The following PTPRR variants were observed in gnomAD, a reference collection of about 807,000 sequenced individuals.
PTPRR encodes the protein protein tyrosine phosphatase receptor type R.
A neutral mutation model predicts 77.2 loss-of-function variants in PTPRR; 38 were observed. That is an observed-to-expected ratio of 0.49 (90% CI 0.38 to 0.65). The LOEUF is 0.65. Among genes scored for constraint, PTPRR ranks in the 30% least tolerant of loss-of-function variants. PTPRR has a pLI of 0.00. For missense variants in PTPRR, 744 were observed against 799.2 expected (o/e 0.93, Z 0.83); for synonymous variants, 299 against 283.1 (o/e 1.06, Z -0.57).
At chr12:70,784,792 G>A (rs1363239500) in intron 2 of PTPRR, among the ~76,000 whole-genome samples, 1 of 152,222 alleles carries the variant, frequency 6.6e-6, no homozygotes, top group Non-Finnish European at 1.5e-5. Context: ...GGGAAGTGGA[G>A]TAACAGCTTT....
intron 4 of PTPRR, among the ~76,000 whole-genome samples, chr12:70,759,770 G>A (rs1890650919): frequency 6.7e-6 from 1 of 150,090 alleles, no homozygotes; most frequent in East Asian, 2.0e-4. Context: ...AGAATATGGT[G>A]TATCATAGAT....
At chr12:70,660,109 G>A (rs1447559576) in intron 12 of PTPRR, among the ~76,000 whole-genome samples, 2 of 151,606 alleles carry the variant, frequency 1.3e-5, no homozygotes, top group Non-Finnish European at 2.9e-5. Flanking sequence ...CCAAGGAGGC[G>A]GAGGTTGCAG....
chr12:70,825,013 G>A (rs1365531051), intron 2 of PTPRR, among the ~76,000 whole-genome samples: 2 of 152,164 alleles, frequency 1.3e-5, no homozygotes, highest in Admixed American at 6.5e-5. Context: ...GGCTGGGCGC[G>A]TTGGCTCACG....
At chr12:70,836,414 T>G (rs1892305621) in intron 2 of PTPRR, among the ~76,000 whole-genome samples, 1 of 151,978 alleles carries the variant, frequency 6.6e-6, no homozygotes, top group Non-Finnish European at 1.5e-5. Flanking sequence ...TCTACAAATG[T>G]TTTCTTTACC....
intron 5 of PTPRR, among the ~76,000 whole-genome samples, chr12:70,747,355 T>G (rs1167330801): frequency 6.6e-6 from 1 of 152,324 alleles, no homozygotes; most frequent in East Asian, 1.9e-4. Flanking sequence ...TTTTCCCAAA[T>G]GAAGAAACAA....
At chr12:70,883,657 G>A (rs998770019) in intron 2 of PTPRR, among the ~76,000 whole-genome samples, 3 of 152,048 alleles carry the variant, frequency 2.0e-5, no homozygotes, top group African/African-American at 7.2e-5. Context: ...AATGTCAGTA[G>A]AAACCGTGTT....
chr12:70,772,946 T>A (rs966786454), intron 2 of PTPRR, among the ~76,000 whole-genome samples: 5 of 152,186 alleles, frequency 3.3e-5, no homozygotes, highest in Non-Finnish European at 7.3e-5. Context: ...AATCAAAGTG[T>A]CAGTGGGGCC....
intron 2 of PTPRR, among the ~76,000 whole-genome samples, chr12:70,768,192 C>T (rs1339484260): frequency 5.3e-5 from 8 of 151,528 alleles, no homozygotes; most frequent in Admixed American, 2.0e-4. Context: ...AATAGAGACA[C>T]AAAAAACCCT....
intron 13 of PTPRR, among the ~76,000 whole-genome samples, chr12:70,642,105 G>A (rs556006395): frequency 3.6e-4 from 55 of 152,048 alleles, no homozygotes; most frequent in African/African-American, 1.2e-3. Context: ...CCAGCTGCAC[G>A]TTAGAGACCA....
intron 6 of PTPRR, among the ~76,000 whole-genome samples, chr12:70,716,650 C>T (rs1482530718): frequency 6.6e-6 from 1 of 152,090 alleles, no homozygotes; most frequent in East Asian, 1.9e-4. Context: ...ATGGTATCTA[C>T]CATATCAGCT....
chr12:70,689,929 C>T lies in PTPRR; in HGVS notation c.1280-5146G>A, dbSNP rs143756373. Among the ~76,000 whole-genome samples the T allele has an allele frequency of 9.2e-5, 14 of 152,340 alleles. No homozygotes were observed. In the East Asian group the frequency reaches 1.9e-3, roughly 21 times the overall value. On this transcript the variant is annotated intron_variant, in intron 8 of 13. Transcript: ENST00000283228. ...GTAGGATGCACAGCTTAAGACTTCC[C>T]TTCTTACCACCCCTTGCATTAGTTG...
At chr12:70,678,555 C>T (rs183550306) in intron 10 of PTPRR, among the ~76,000 whole-genome samples, 91 of 152,116 alleles carry the variant, frequency 6.0e-4, no homozygotes, top group Non-Finnish European at 1.1e-3. Flanking sequence ...TTTATGTTTT[C>T]AAACATGATC....
Position 70,802,460 on chromosome 12 carries a change from T to G in PTPRR, c.358-37682A>C, listed in dbSNP as rs534239860. On this transcript the variant is annotated intron_variant, in intron 2 of 13. Transcript: ENST00000283228. ...CACAAGATACAACCATTAAAATGGC[T>G]TTAAATAATAATGGCAATGACAGGG... Among the ~76,000 whole-genome samples the G allele has an allele frequency of 2.7e-4, 41 of 152,320 alleles. No homozygotes were observed. The South Asian group carries it at 8.3e-3, about 31-fold the overall frequency.
chr12:70,744,556 C>G (rs944358211), intron 6 of PTPRR, among the ~76,000 whole-genome samples: 1 of 152,158 alleles, frequency 6.6e-6, no homozygotes, highest in Non-Finnish European at 1.5e-5. Context: ...GCAATACTTT[C>G]AAATAATTAT....
chr12:70,661,997 C>T (rs1235344279), intron 11 of PTPRR, among the ~76,000 whole-genome samples: 1 of 152,200 alleles, frequency 6.6e-6, no homozygotes, highest in African/African-American at 2.4e-5. Context: ...TTTCCTATGA[C>T]ATAATCTCGT....
At chr12:70,686,448 G>A (rs940431642) in intron 8 of PTPRR, among the ~76,000 whole-genome samples, 43 of 152,082 alleles carry the variant, frequency 2.8e-4, no homozygotes, top group African/African-American at 9.9e-4. Flanking sequence ...GGACGGTGAT[G>A]GTTTAAAAAT....
chr12:70,791,549 G>A (rs1054910664), intron 2 of PTPRR, among the ~76,000 whole-genome samples: 5 of 152,044 alleles, frequency 3.3e-5, no homozygotes, highest in African/African-American at 1.2e-4. Flanking sequence ...CTATTAGAAG[G>A]TATGCTTCAA....
At chr12:70,806,652 C>G (rs958435111) in intron 2 of PTPRR, among the ~76,000 whole-genome samples, 1 of 152,164 alleles carries the variant, frequency 6.6e-6, no homozygotes, top group Non-Finnish European at 1.5e-5. Flanking sequence ...ATCATACTAC[C>G]ATTTGCCTCT....
chr12:70,853,758 C>A (rs1181875018), intron 2 of PTPRR, among the ~76,000 whole-genome samples: 1 of 152,184 alleles, frequency 6.6e-6, no homozygotes, highest in African/African-American at 2.4e-5. Context: ...CCCAAGTCAG[C>A]CAGCCATGTC....
Sources: gnomAD v4.1 joint callset for allele counts (sites outside exome capture counted in the v4.1 genomes callset) on GRCh38, gnomAD v4.1.1 for gene constraint, MANE v1.5 for transcripts, NCBI Gene and HGNC (gene_info 2026-07-23, HGNC 2026-07-21) for gene names.